ADCY8: variants seen among roughly 807,000 people sequenced by gnomAD.
ADCY8 encodes adenylate cyclase type 8.
ADCY8 carries 51 observed loss-of-function variants against 119.7 expected under a neutral mutation model. The ratio of observed to expected loss-of-function variants is 0.43; its 90% CI spans 0.34 to 0.54. ADCY8 has a LOEUF of 0.54. ADCY8 is among the 20% of genes least tolerant of loss of function. ADCY8 has a pLI of 0.03. For synonymous variants in ADCY8, 665 were observed against 651.0 expected, an observed-to-expected ratio of 1.02 and a Z score of -0.33; for missense variants, 1,383 against 1,598.8, an observed-to-expected ratio of 0.87 and a Z score of 2.30.
chr8:131,004,566 C>A (rs1823056219), intron 1 of ADCY8, among the ~76,000 whole-genome samples: 1 of 152,208 alleles, frequency 6.6e-6, no homozygotes, highest in Non-Finnish European at 1.5e-5. Context: ...CCATTATGAA[C>A]TCTGTTAGCC....
intron 2 of ADCY8, among the ~76,000 whole-genome samples, chr8:130,989,538 A>G (rs1563757557): frequency 6.6e-6 from 1 of 152,216 alleles, no homozygotes; most frequent in Non-Finnish European, 1.5e-5. Flanking sequence ...CTAGGATTGT[A>G]GAGATAATAT....
intron 8 of ADCY8, among the ~76,000 whole-genome samples, chr8:130,878,159 G>T (rs140835185): frequency 6.6e-6 from 1 of 152,162 alleles, no homozygotes; most frequent in African/African-American, 2.4e-5. Flanking sequence ...ACCGGTAACT[G>T]GTTGGAACTG....
At chr8:130,942,619 C>T (rs1218203627) in intron 4 of ADCY8, among the ~76,000 whole-genome samples, 3 of 152,130 alleles carry the variant, frequency 2.0e-5, no homozygotes, top group East Asian at 1.9e-4. Context: ...GAACTCCCAC[C>T]GATGTGGTCT....
At chr8:130,873,277 A>C (rs1006002932) in intron 8 of ADCY8, among the ~76,000 whole-genome samples, 2 of 152,162 alleles carry the variant, frequency 1.3e-5, no homozygotes, top group Non-Finnish European at 2.9e-5. Flanking sequence ...GCTTATAACT[A>C]AAACAATTAT....
intron 3 of ADCY8, among the ~76,000 whole-genome samples, chr8:130,948,353 C>T (rs549746963): frequency 6.6e-6 from 1 of 152,260 alleles, no homozygotes; most frequent in African/African-American, 2.4e-5. Context: ...AAGCTGGTGG[C>T]CAGGTGGATC....
chr8:130,855,345 T>C (rs1189868253), intron 9 of ADCY8, among the ~76,000 whole-genome samples: 1 of 152,082 alleles, frequency 6.6e-6, no homozygotes, highest in Non-Finnish European at 1.5e-5. Context: ...CTGGGGTAAA[T>C]GGGCTACCCA....
intron 13 of ADCY8, among the ~76,000 whole-genome samples, chr8:130,819,856 A>G (rs1816453739): frequency 6.6e-6 from 1 of 152,220 alleles, no homozygotes; most frequent in South Asian, 2.1e-4. Context: ...CAAAATGGGA[A>G]AACAAGTCAA....
intron 1 of ADCY8, among the ~76,000 whole-genome samples, chr8:130,992,833 A>C (rs1822643656): frequency 6.6e-6 from 1 of 152,218 alleles, no homozygotes; most frequent in Non-Finnish European, 1.5e-5. Context: ...AATGGGGCTA[A>C]ACTAATTTGT....
intron 2 of ADCY8, among the ~76,000 whole-genome samples, chr8:130,985,222 G>C (rs1422309586): frequency 1.3e-5 from 2 of 152,130 alleles, no homozygotes; most frequent in Admixed American, 6.5e-5. Context: ...CAAGGGTATA[G>C]CAGAATATAT....
At chr8:130,855,577 C>T (rs1017079240) in intron 9 of ADCY8, among the ~76,000 whole-genome samples, 1 of 151,980 alleles carries the variant, frequency 6.6e-6, no homozygotes, top group Non-Finnish European at 1.5e-5. Flanking sequence ...TCCCCTCCCC[C>T]ACCCCGTCAC....
intron 4 of ADCY8, among the ~76,000 whole-genome samples, chr8:130,938,823 C>T (rs964674496): frequency 1.3e-5 from 2 of 152,194 alleles, no homozygotes; most frequent in African/African-American, 2.4e-5. Context: ...GTACAGCCAT[C>T]CCAGGATTAT....
At chr8:130,844,158 G>A (rs142556884) in intron 11 of ADCY8, among the ~76,000 whole-genome samples, 101 of 152,266 alleles carry the variant, frequency 6.6e-4, no homozygotes, top group Middle Eastern at 3.4e-3. Flanking sequence ...ATAAAGGGGC[G>A]TAATTCTAAA....
intron 2 of ADCY8, among the ~76,000 whole-genome samples, chr8:130,968,024 G>A (rs1314194015): frequency 1.3e-5 from 2 of 152,156 alleles, no homozygotes; most frequent in African/African-American, 2.4e-5. Flanking sequence ...ATATGTTCTT[G>A]TAACATGCTT....
chr8:130,810,347 TACACACACACACACACACACAC>T (rs58781726), intron 14 of ADCY8, among the ~76,000 whole-genome samples: 2 of 142,652 alleles, frequency 1.4e-5, no homozygotes, highest in African/African-American at 2.6e-5. Context: ...TCTCTTTTTC[TACACACACACACACACACACAC>T]ACACACACAC....
intron 1 of ADCY8, among the ~76,000 whole-genome samples, chr8:131,004,403 T>C (rs1823050224): frequency 6.6e-6 from 1 of 152,228 alleles, no homozygotes; most frequent in South Asian, 2.1e-4. Flanking sequence ...ATGCTCTTTC[T>C]GCAGCTTCCT....
At chr8:130,903,194 C>T (rs972238566) in intron 7 of ADCY8, among the ~76,000 whole-genome samples, 1 of 152,074 alleles carries the variant, frequency 6.6e-6, no homozygotes, top group Non-Finnish European at 1.5e-5. Context: ...CTTAGTAGCC[C>T]TGTCCTTCAT....
chr8:131,037,620 G>A lies in ADCY8; in HGVS notation c.960+1754C>T, dbSNP rs538312807. On this transcript the variant is annotated intron_variant, in intron 1 of 17. Transcript: ENST00000286355. ...TGCTTTATCGTGAAAACAACTCATA[G>A]TGAGTTAGATGAAAAAAAGAGAAGG... Among the ~76,000 whole-genome samples the A allele has an allele frequency of 2.6e-5, 4 of 152,178 alleles. No homozygotes were observed. In the South Asian group the frequency reaches 8.3e-4, roughly 32 times the overall value.
At chr8:130,924,235 C>G (rs1820396098) in intron 5 of ADCY8, among the ~76,000 whole-genome samples, 1 of 152,182 alleles carries the variant, frequency 6.6e-6, no homozygotes, top group Non-Finnish European at 1.5e-5. Context: ...AGGCACCTGA[C>G]AGCCATAACT....
intron 10 of ADCY8, among the ~76,000 whole-genome samples, chr8:130,847,985 T>C (rs985635131): frequency 6.6e-6 from 1 of 152,138 alleles, no homozygotes; most frequent in Non-Finnish European, 1.5e-5. Context: ...CTGCAGGAGA[T>C]TTTGTGGTAT....
Sources: gnomAD v4.1 joint callset for allele counts (sites outside exome capture counted in the v4.1 genomes callset) on GRCh38, gnomAD v4.1.1 for gene constraint, MANE v1.5 for transcripts, NCBI Gene and HGNC (gene_info 2026-07-23, HGNC 2026-07-21) for gene names.